Variants in KAT6A observed in about 807,000 individuals in gnomAD.
KAT6A encodes histone acetyltransferase KAT6A.
A neutral mutation model predicts 198.4 loss-of-function variants in KAT6A; 9 were observed. The ratio of observed to expected loss-of-function variants is 0.05; its 90% CI spans 0.03 to 0.08. KAT6A has a LOEUF of 0.08. Ranked by LOEUF, KAT6A falls within the 10% of genes least tolerant of loss-of-function variation. KAT6A has a pLI of 1.00. For missense variants in KAT6A, 2,077 were observed against 2,509.9 expected, an observed-to-expected ratio of 0.83 and a Z score of 3.69; for synonymous variants, 890 against 883.0, an observed-to-expected ratio of 1.01 and a Z score of -0.14.
At chr8:41,942,251 A>G (rs1822176557) in intron 14 of KAT6A, 2 of 221,150 alleles carry the variant, frequency 9.0e-6, no homozygotes, top group Non-Finnish European at 1.8e-5. Flanking sequence ...GAAAACATAC[A>G]CAAGTTTACA....
At position 41,931,337 on chromosome 8, in the gene KAT6A, T is replaced by C. The variant is rs1475357239; in HGVS notation, c.*868A>G. Reference sequence around the variant, plus strand: ...CAAGAGGTTAATCTCCTCTTTTTGATTGTTAATTGACCATCTCTATTCCTC... The same window carrying C: ...CAAGAGGTTAATCTCCTCTTTTTGACTGTTAATTGACCATCTCTATTCCTC... On this transcript the variant is annotated 3_prime_UTR_variant, in exon 17 of 17. Coordinates refer to ENST00000265713, the MANE Select transcript of KAT6A (RefSeq NM_006766.5). 5 of 218,050 alleles carry C rather than the reference T, an allele frequency of 2.3e-5. No homozygotes were observed. The highest frequency in any genetic ancestry group is 4.5e-5 in the African/African-American group (2 of 44,410). 13.5% of individuals were successfully genotyped at this position (218,050 alleles called of 1,614,324 possible). A position where few individuals can be genotyped will look rare whatever the true frequency, so the allele number is the denominator to read the frequency against.
chr8:42,020,130 G>T (rs918760308), intron 2 of KAT6A, among the ~76,000 whole-genome samples: 1 of 152,002 alleles, frequency 6.6e-6, no homozygotes, highest in Non-Finnish European at 1.5e-5. Flanking sequence ...TGCCAATCTA[G>T]AACTATAGCC....
intron 7 of KAT6A, among the ~76,000 whole-genome samples, chr8:41,975,540 T>C (rs991231687): frequency 3.3e-5 from 5 of 152,178 alleles, no homozygotes; most frequent in African/African-American, 9.7e-5. Flanking sequence ...ACTGCACATA[T>C]GGGCCATCTG....
intron 2 of KAT6A, among the ~76,000 whole-genome samples, chr8:41,999,513 G>C (rs924559108): frequency 1.3e-5 from 2 of 151,906 alleles, no homozygotes; most frequent in Non-Finnish European, 2.9e-5. Context: ...TCTGCATATT[G>C]CTACCAGATT....
chr8:42,032,133 G>A (rs1007043351), intron 2 of KAT6A, among the ~76,000 whole-genome samples: 1 of 152,106 alleles, frequency 6.6e-6, no homozygotes, highest in Non-Finnish European at 1.5e-5. Flanking sequence ...GTTTTGCCGT[G>A]TTAGCCAGGA....
At chr8:41,968,815 C>T (rs895996711) in intron 8 of KAT6A, among the ~76,000 whole-genome samples, 2 of 152,122 alleles carry the variant, frequency 1.3e-5, no homozygotes, top group African/African-American at 4.8e-5. Context: ...TCAGAGGTGG[C>T]TCTTTTTCAT....
chr8:41,943,172 G>A (rs1444915855), intron 13 of KAT6A, among the ~76,000 whole-genome samples, 172 bp from the exon 14 acceptor site: 3 of 152,226 alleles, frequency 2.0e-5, no homozygotes. Context: ...CCAGGAGTGT[G>A]AAGCAGGACA....
chr8:42,027,155 T>C (rs1161991844), intron 2 of KAT6A, among the ~76,000 whole-genome samples: 1 of 152,200 alleles, frequency 6.6e-6, no homozygotes, highest in Non-Finnish European at 1.5e-5. Flanking sequence ...TTTTTGATTG[T>C]TGCTGGATTG....
chr8:41,992,371 A>G (rs1824990944), intron 2 of KAT6A, among the ~76,000 whole-genome samples: 1 of 152,182 alleles, frequency 6.6e-6, no homozygotes, highest in Admixed American at 6.5e-5. Context: ...AGAAATTGCA[A>G]TAGGTTTTAA....
chr8:41,934,589 C>T lies in KAT6A; in HGVS notation c.3631G>A (p.Val1211Ile). Residue 1211 changes from valine to isoleucine, a missense_variant, in exon 17 of 17, where the codon GTT (valine) becomes ATT (isoleucine). Val to Ile is a conservative substitution (Grantham distance 29). Coordinates refer to ENST00000265713, the MANE Select transcript of KAT6A (RefSeq NM_006766.5). ...KPKIQESEET[V>I]EPKEDMPLPE... Reference sequence around the variant, plus strand: ...AGGGGCATGTCTTCTTTTGGCTCAACAGTTTCTTCACTCTCCTGGATCTTG... The same window carrying T: ...AGGGGCATGTCTTCTTTTGGCTCAATAGTTTCTTCACTCTCCTGGATCTTG... 1 of 1,614,090 alleles carries T rather than the reference C, an allele frequency of 6.2e-7. No homozygotes were observed. The highest frequency in any genetic ancestry group is 8.5e-7 in the Non-Finnish European group (1 of 1,180,042).
chr8:41,953,832 C>T (rs889054612), intron 9 of KAT6A, among the ~76,000 whole-genome samples: 2 of 152,122 alleles, frequency 1.3e-5, no homozygotes, highest in African/African-American at 2.4e-5. Flanking sequence ...AACTTGAACG[C>T]TGAGTTCTGT....
chr8:41,942,694 C>T, intron 14 of KAT6A, 99 bp downstream of exon 14: 1 of 1,324,386 alleles, frequency 7.6e-7, no homozygotes, highest in East Asian at 2.4e-5. Flanking sequence ...TGTGAATTTA[C>T]TTTTCTGTGA....
chr8:41,949,431 A>T, intron 9 of KAT6A, 68 bp from the exon 10 acceptor site: 6 of 1,243,256 alleles, frequency 4.8e-6, no homozygotes, highest in Non-Finnish European at 6.3e-6. Context: ...TTCCACAATT[A>T]TCATCTTTTT....
At position 41,934,295 on chromosome 8, in the gene KAT6A, C is replaced by A; in HGVS notation, c.3925G>T (p.Ala1309Ser). 1.2e-6 allele frequency: 2 copies of A among 1,614,166 alleles called. No individual in the cohort carries two copies. Among genetic ancestry groups the A allele is most frequent in the Non-Finnish European group, 1.7e-6 (2 of 1,180,040 alleles). The change falls in exon 17 of 17, where the codon GCC becomes TCC. Residue 1309 changes from alanine to serine, a missense_variant. Ala to Ser is a moderately conservative substitution (Grantham distance 99, BLOSUM62 1). Around this residue, in one of 13 missense-constraint regions of KAT6A, gnomAD observed 375 missense variants for 383.0 expected, o/e 0.98. Coordinates refer to ENST00000265713, the MANE Select transcript of KAT6A (RefSeq NM_006766.5). ...EEEEDAAAET[A>S]QNDDHDADDE... ...TCAGCGTCGTGGTCGTCATTCTGGG[C>A]AGTCTCTGCAGCTGCATCTTCCTCC...
intron 2 of KAT6A, among the ~76,000 whole-genome samples, chr8:42,040,735 CA>C (rs59959496): frequency 9.1e-3 from 495 of 54,610 alleles, no homozygotes; most frequent in Non-Finnish European, 0.013. Context: ...GACTCTGTCT[CA>C]AAAAAAAAAA....
Position 41,932,685 on chromosome 8 carries a change from C to A in KAT6A, c.5535G>T (p.Leu1845Phe), listed in dbSNP as rs1214341703. ...TNIGIPHTQR[L>F]QGQMPVKGHI... is the part of the protein sequence containing the mutation. Reference sequence around the variant, plus strand: ...GCCCCTTCACTGGCATTTGCCCTTGCAATCTCTGCGTGTGAGGAATGCCAA... The same window carrying A: ...GCCCCTTCACTGGCATTTGCCCTTGAAATCTCTGCGTGTGAGGAATGCCAA... Residue 1845 changes from leucine (L) to phenylalanine (F), a missense_variant, in exon 17 of 17, where the codon TTG becomes TTT. Transcript: ENST00000265713. The A allele has an allele frequency of 6.2e-7, 1 of 1,614,240 alleles. No individual in the cohort carries two copies. Among genetic ancestry groups the A allele is most frequent in the Non-Finnish European group, 8.5e-7 (1 of 1,180,052 alleles).
chr8:42,018,128 A>G (rs1430784486), intron 2 of KAT6A, among the ~76,000 whole-genome samples: 3 of 152,198 alleles, frequency 2.0e-5, no homozygotes, highest in African/African-American at 7.2e-5. Context: ...ATACAACTCA[A>G]AGAGACTAAC....
rs906368056 is a variant in KAT6A at position 42,006,756 on chromosome 8, G to A, written c.601-19193C>T. 2.0e-5 allele frequency among the ~76,000 whole-genome samples: 3 copies of A among 152,070 alleles called. 1 individual carries two copies. The highest frequency in any genetic ancestry group is 1.9e-4 in the East Asian group (1 of 5,180). ...CATGCCTGTAATCCCAGCACTTTAG[G>A]AGGCCGAGGTGGGCGGATCACCTGA... On this transcript the variant is annotated intron_variant, in intron 2 of 16. Coordinates refer to ENST00000265713, the MANE Select transcript of KAT6A (RefSeq NM_006766.5).
At chr8:41,996,359 C>T (rs1381667166) in intron 2 of KAT6A, among the ~76,000 whole-genome samples, 1 of 152,214 alleles carries the variant, frequency 6.6e-6, no homozygotes, top group Non-Finnish European at 1.5e-5. Flanking sequence ...GACACACTGG[C>T]ATATCCAATT....
Sources: allele counts gnomAD v4.1 joint callset (sites outside exome capture counted in the v4.1 genomes callset), GRCh38; gene constraint gnomAD v4.1.1; regional missense constraint gnomAD v4.1.1; transcripts MANE v1.5; gene names NCBI Gene and HGNC (gene_info 2026-07-23, HGNC 2026-07-21).